Variants in VIT observed in about 807,000 individuals in gnomAD.
VIT encodes the protein vitrin.
In VIT, 99 loss-of-function variants were observed where a neutral mutation model predicts 78.0. The observed-to-expected ratio is 1.27, with a 90% CI of 1.08 to 1.50. The LOEUF is 1.50. Ranked by LOEUF, VIT falls within the 40% of genes most tolerant of loss-of-function variation. The pLI is 0.00. For missense variants in VIT, 1,126 were observed against 875.3 expected, an observed-to-expected ratio of 1.29 and a Z score of -3.61; for synonymous variants, 374 against 334.3, an observed-to-expected ratio of 1.12 and a Z score of -1.29.
intron 13 of VIT, among the ~76,000 whole-genome samples, chr2:36,804,166 A>ACT (rs1268917094): frequency 6.6e-6 from 1 of 152,190 alleles, no homozygotes; most frequent in Non-Finnish European, 1.5e-5. Flanking sequence ...TGGCTGCTGC[A>ACT]CTCAGCTGAA....
At chr2:36,795,155 C>T (rs1170518005) in intron 12 of VIT, among the ~76,000 whole-genome samples, 4 of 152,148 alleles carry the variant, frequency 2.6e-5, no homozygotes, top group South Asian at 2.1e-4. Flanking sequence ...GTCAAATCCT[C>T]ATGATCTCTG....
At chr2:36,721,860 C>G (rs551464391) in intron 2 of VIT, among the ~76,000 whole-genome samples, 15 of 152,354 alleles carry the variant, frequency 9.8e-5, no homozygotes, top group African/African-American at 3.6e-4. Context: ...TAAGCACTTC[C>G]TTGGTGTCCT....
intron 2 of VIT, among the ~76,000 whole-genome samples, chr2:36,728,109 T>TCCCAGC: frequency 6.6e-6 from 1 of 152,016 alleles, no homozygotes; most frequent in Admixed American, 6.6e-5. Flanking sequence ...TTTTGTATTT[T>TCCCAGC]TAGTAGAGAC....
chr2:36,745,500 T>C (rs1352200963), intron 4 of VIT, among the ~76,000 whole-genome samples: 1 of 152,198 alleles, frequency 6.6e-6, no homozygotes, highest in Non-Finnish European at 1.5e-5. Context: ...AGGAGTGTTT[T>C]ACAATTCTCC....
In VIT at chr2:36,729,462, C is replaced by T. The variant is rs200510463; in HGVS notation, c.89C>T (p.Thr30Met). The T allele has an allele frequency of 9.5e-5, 153 of 1,608,378 alleles. No homozygotes were observed. The highest frequency in any genetic ancestry group is 8.3e-4 in the Middle Eastern group (5 of 6,060). Residue 30 changes from threonine to methionine, a missense_variant, in exon 3 of 16, where the codon ACG becomes ATG. Thr to Met is a moderately conservative substitution (Grantham distance 81). Coordinates refer to ENST00000379242, the MANE Select transcript of VIT (RefSeq NM_053276.4). The part of the protein sequence containing the change: ...LVTGVHSNKE[T>M]AKKIKRPKFT... Reference sequence around the variant, plus strand: ...ACTGGAGTACATTCAAACAAAGAAACGGCAAAGAAGATTAAAAGGCCCAAG... The same window carrying T: ...ACTGGAGTACATTCAAACAAAGAAATGGCAAAGAAGATTAAAAGGCCCAAG...
intron 6 of VIT, among the ~76,000 whole-genome samples, chr2:36,765,511 T>G (rs1270426268): frequency 6.6e-6 from 1 of 151,030 alleles, no homozygotes; most frequent in Non-Finnish European, 1.5e-5. Flanking sequence ...GAAAACAGCA[T>G]GAGGGACACC....
chr2:36,718,595 C>T (rs1265768111), intron 2 of VIT, among the ~76,000 whole-genome samples: 13 of 152,292 alleles, frequency 8.5e-5, no homozygotes, highest in Admixed American at 8.5e-4. Context: ...AAACAATGCC[C>T]TCTCTTCACT....
At chr2:36,805,689 C>T in intron 14 of VIT, 25 bp downstream of exon 14, 1 of 1,598,246 alleles carries the variant, frequency 6.3e-7, no homozygotes, top group Non-Finnish European at 8.5e-7. Flanking sequence ...GGAGACCTAC[C>T]CAACATCAGG....
At chr2:36,710,214 T>C (rs117022157) in intron 1 of VIT, among the ~76,000 whole-genome samples, 1 of 152,332 alleles carries the variant, frequency 6.6e-6, no homozygotes, top group East Asian at 1.9e-4. Flanking sequence ...GTTTTTTCAT[T>C]ATTTCATTTT....
At chr2:36,724,394 C>A (rs558786236) in intron 2 of VIT, among the ~76,000 whole-genome samples, 1 of 152,184 alleles carries the variant, frequency 6.6e-6, no homozygotes, top group Non-Finnish European at 1.5e-5. Flanking sequence ...GACCTGTCTG[C>A]GGCTTTGCAC....
intron 1 of VIT, among the ~76,000 whole-genome samples, chr2:36,709,672 T>G (rs1235727737): frequency 6.6e-6 from 1 of 152,008 alleles, no homozygotes; most frequent in African/African-American, 2.4e-5. Context: ...GGGTTTGTGG[T>G]GAGGGTTGGT....
At chr2:36,780,251 T>A (rs1043440724) in intron 9 of VIT, among the ~76,000 whole-genome samples, 4 of 152,226 alleles carry the variant, frequency 2.6e-5, no homozygotes, top group African/African-American at 9.6e-5. Flanking sequence ...GTTGGGGGAC[T>A]GTTTATCTCT....
Position 36,723,596 on chromosome 2 carries a change from C to T in VIT, c.53-5830C>T, listed in dbSNP as rs565293507. ...TCAAGCTTATTCATTTATATTTTCT[C>T]TATGCATTAAACAATAAATTTTAAA... On this transcript the variant is annotated intron_variant, in intron 2 of 15. Transcript: ENST00000379242. Among the ~76,000 whole-genome samples, 14 of 152,274 alleles carry T rather than the reference C, an allele frequency of 9.2e-5. No homozygotes were observed. The East Asian group carries it at 2.3e-3, about 25-fold the overall frequency.
intron 2 of VIT, among the ~76,000 whole-genome samples, chr2:36,716,869 C>CTTTCT (rs1666169975): frequency 6.4e-5 from 5 of 78,698 alleles, no homozygotes; most frequent in Non-Finnish European, 1.1e-4. Flanking sequence ...AGAGATGATT[C>CTTTCT]TTTTTTTTTT....
intron 2 of VIT, among the ~76,000 whole-genome samples, chr2:36,718,649 G>A (rs190982720): frequency 4.2e-4 from 64 of 152,204 alleles, no homozygotes; most frequent in African/African-American, 1.4e-3. Context: ...AGGAGCCAGC[G>A]GCACTATTCC....
At chr2:36,716,286 C>T (rs896992675) in intron 1 of VIT, 67 bp from the exon 2 acceptor site, 19 of 1,340,936 alleles carry the variant, frequency 1.4e-5, no homozygotes, top group Non-Finnish European at 1.8e-5. Flanking sequence ...TATCCCCACA[C>T]ACTCTGTGCA....
intron 2 of VIT, among the ~76,000 whole-genome samples, chr2:36,728,036 C>T (rs1215832259): frequency 1.3e-5 from 2 of 152,076 alleles, no homozygotes; most frequent in East Asian, 3.9e-4. Context: ...TCAAGCGATT[C>T]TCCTGCCTCA....
At chr2:36,746,195 G>C (rs1668123716) in intron 4 of VIT, among the ~76,000 whole-genome samples, 1 of 152,100 alleles carries the variant, frequency 6.6e-6, no homozygotes, top group Admixed American at 6.6e-5. Flanking sequence ...ATGTGCTGCT[G>C]GATTTGGTTT....
At chr2:36,761,318 C>A (rs896668492) in intron 6 of VIT, among the ~76,000 whole-genome samples, 3 of 152,140 alleles carry the variant, frequency 2.0e-5, no homozygotes, top group African/African-American at 7.2e-5. Context: ...TGGCTTCTGA[C>A]CCCTCCTGTT....
Sources: allele counts gnomAD v4.1 joint callset (sites outside exome capture counted in the v4.1 genomes callset), GRCh38; gene constraint gnomAD v4.1.1; transcripts MANE v1.5; gene names NCBI Gene and HGNC (gene_info 2026-07-23, HGNC 2026-07-21).